PDE8B: variants seen among roughly 807,000 people sequenced by gnomAD.
The protein encoded by PDE8B is phosphodiesterase 8B.
Under a neutral mutation model 101.3 loss-of-function variants are expected in PDE8B, and 26 were observed. The ratio of observed to expected loss-of-function variants is 0.26; its 90% confidence interval spans 0.19 to 0.36. The LOEUF (loss-of-function observed/expected upper bound fraction) is 0.36, where lower values mean the gene tolerates loss of function less well. Ranked by LOEUF, PDE8B falls within the 10% of genes least tolerant of loss-of-function variation. The pLI is 1.00. For synonymous variants in PDE8B, 424 were observed against 429.3 expected, an observed-to-expected ratio of 0.99 and a Z score of 0.15; for missense variants, 810 against 1,163.1, an observed-to-expected ratio of 0.70 and a Z score of 4.42.
intron 1 of PDE8B, among the ~76,000 whole-genome samples, chr5:77,292,044 A>C (rs181461441): frequency 2.3e-4 from 35 of 151,578 alleles, no homozygotes; most frequent in Non-Finnish European, 4.7e-4. Flanking sequence ...TGGCAGCTTT[A>C]GTTCTCCAGC....
chr5:77,109,945 T>G, the PDE8B span, among the ~76,000 whole-genome samples: 7 of 126,242 alleles, frequency 5.5e-5, no homozygotes, highest in Non-Finnish European at 8.2e-5. Flanking sequence ...TTTTTTTTTT[T>G]TTTTTTTTTT....
At chr5:77,169,382 G>A in the PDE8B span, among the ~76,000 whole-genome samples, 1 of 152,166 alleles carries the variant, frequency 6.6e-6, no homozygotes, top group African/African-American at 2.4e-5. Flanking sequence ...TCACCTGGAG[G>A]GATTGTTAAA....
chr5:77,339,580 T>A (rs1778833516), intron 6 of PDE8B, among the ~76,000 whole-genome samples: 1 of 152,192 alleles, frequency 6.6e-6, no homozygotes, highest in Non-Finnish European at 1.5e-5. Context: ...ATCTAGCACA[T>A]ATACCTGCAC....
At chr5:77,397,784 G>C (rs1454056786) in intron 10 of PDE8B, among the ~76,000 whole-genome samples, 1 of 152,164 alleles carries the variant, frequency 6.6e-6, no homozygotes, top group Admixed American at 6.5e-5. Flanking sequence ...AGCCCTTATA[G>C]TAGTAACCAC....
At chr5:77,262,221 A>T (rs191717851) in intron 1 of PDE8B, among the ~76,000 whole-genome samples, 2 of 152,012 alleles carry the variant, frequency 1.3e-5, no homozygotes, top group East Asian at 3.9e-4. Context: ...AAAGGCAGAA[A>T]ATGGAGAGAA....
At chr5:77,105,339 T>G in the PDE8B span, 1,148 of 152,316 alleles carry the variant, frequency 7.5e-3, 23 homozygotes, top group African/African-American at 0.026. Flanking sequence ...TGTTTTTCAC[T>G]TTCAGTACAT....
intron 10 of PDE8B, among the ~76,000 whole-genome samples, chr5:77,388,838 A>G (rs1308115466): frequency 1.3e-5 from 2 of 152,106 alleles, no homozygotes; most frequent in East Asian, 3.9e-4. Context: ...GGCTCCACCC[A>G]GTTCGAACTT....
chr5:77,298,072 G>GC (rs1769010462), intron 1 of PDE8B, among the ~76,000 whole-genome samples: 1 of 152,132 alleles, frequency 6.6e-6, no homozygotes, highest in African/African-American at 2.4e-5. Context: ...CATAATAGAT[G>GC]CTTGATGAAA....
intron 1 of PDE8B, 44 bp from the exon 2 acceptor site, chr5:77,311,950 G>T: frequency 6.8e-7 from 1 of 1,474,544 alleles, no homozygotes. Flanking sequence ...ATCCATTTGT[G>T]TAGTTTAAGA....
the PDE8B span, among the ~76,000 whole-genome samples, chr5:77,161,989 A>AT: frequency 6.6e-6 from 1 of 150,820 alleles, no homozygotes; most frequent in South Asian, 2.1e-4. Flanking sequence ...GTTTCAAGAT[A>AT]TTTTTATGTG....
chr5:77,280,498 G>A (rs911955558), intron 1 of PDE8B, among the ~76,000 whole-genome samples: 1 of 152,222 alleles, frequency 6.6e-6, no homozygotes, highest in Non-Finnish European at 1.5e-5. Context: ...AGATTCAACA[G>A]CAAGAAAATA....
At chr5:77,124,857 T>C in the PDE8B span, among the ~76,000 whole-genome samples, 1 of 152,076 alleles carries the variant, frequency 6.6e-6, no homozygotes, top group African/African-American at 2.4e-5. Flanking sequence ...ATCAGTGAGC[T>C]GGAGAACAAT....
chr5:77,138,291 C>T, the PDE8B span, among the ~76,000 whole-genome samples: 2 of 152,190 alleles, frequency 1.3e-5, no homozygotes, highest in Admixed American at 6.5e-5. Context: ...TACACCTTCC[C>T]TCTGGCCCTG....
At chr5:77,367,684 C>G (rs775837705) in intron 10 of PDE8B, among the ~76,000 whole-genome samples, 2 of 152,148 alleles carry the variant, frequency 1.3e-5, no homozygotes, top group African/African-American at 2.4e-5. Flanking sequence ...GCACGCACCA[C>G]CATGCCCTGC....
chr5:77,231,663 A>C (rs566023047), intron 1 of PDE8B, among the ~76,000 whole-genome samples: 1 of 152,322 alleles, frequency 6.6e-6, no homozygotes, highest in Admixed American at 6.5e-5. Context: ...TCACCCCCAG[A>C]TGGTTCTGAT....
At chr5:77,377,158 T>A in intron 10 of PDE8B, among the ~76,000 whole-genome samples, 1 of 152,194 alleles carries the variant, frequency 6.6e-6, no homozygotes, top group East Asian at 1.9e-4. Context: ...ACCCCACATA[T>A]GCTCAACATT....
chr5:77,087,242 C>G, the PDE8B span: 1 of 152,352 alleles, frequency 6.6e-6, no homozygotes, highest in Non-Finnish European at 1.5e-5. Context: ...AAAGACACAG[C>G]GCTGCATTCA....
intron 10 of PDE8B, among the ~76,000 whole-genome samples, chr5:77,393,928 A>G (rs941376864): frequency 6.6e-6 from 1 of 152,188 alleles, no homozygotes; most frequent in Non-Finnish European, 1.5e-5. Context: ...TATCGGCTCT[A>G]TAAAGTCAAT....
At chr5:77,399,038 G>A (rs542753867) in intron 10 of PDE8B, among the ~76,000 whole-genome samples, 1 of 152,372 alleles carries the variant, frequency 6.6e-6, no homozygotes, top group South Asian at 2.1e-4. Context: ...CTGTGCCTTG[G>A]ATGGTGGCAA....
Sources: allele counts gnomAD v4.1 joint callset (sites outside exome capture counted in the v4.1 genomes callset), GRCh38; gene constraint gnomAD v4.1.1; transcripts MANE v1.5; gene names NCBI Gene and HGNC (gene_info 2026-07-23, HGNC 2026-07-21).